Variants in GAL3ST2 observed in about 807,000 individuals in gnomAD.
GAL3ST2 encodes the protein beta-galactose-3-O-sulfotransferase 2.
GAL3ST2 carries 16 observed loss-of-function variants against 12.9 expected under a neutral mutation model. That is an observed-to-expected ratio of 1.24 (90% confidence interval 0.84 to 1.88). The LOEUF (loss-of-function observed/expected upper bound fraction) is 1.88. GAL3ST2 is among the 40% of genes most tolerant of loss of function. The probability of loss-of-function intolerance (pLI) is 0.00; values close to 1 mark genes in which losing one functional copy is unlikely to be tolerated. For synonymous variants in GAL3ST2, 302 were observed against 273.9 expected (o/e 1.10, Z -1.01); for missense variants, 639 against 571.8 (o/e 1.12, Z -1.20).
At position 241,793,656 on chromosome 2, in the gene GAL3ST2, A is replaced by C. The variant is rs73011964; in HGVS notation, c.30-5409A>C. On this transcript the variant is annotated intron_variant, in intron 1 of 3. Coordinates refer to ENST00000192314, the MANE Select transcript of GAL3ST2 (RefSeq NM_022134.3). This position sits in a 1 kb window ranked among gnomAD's most constrained non-coding sequence, Gnocchi z 4.7. ...GTTTGTGTGTACATATTGTGTATGCATATGTGTGTGTATGCACATATTGTG... is the reference window on the plus strand; with the variant it reads ...GTTTGTGTGTACATATTGTGTATGCCTATGTGTGTGTATGCACATATTGTG... Among the ~76,000 whole-genome samples, 2 of 148,470 alleles carry C rather than the reference A, an allele frequency of 1.3e-5. No individual in the cohort carries two copies. Among genetic ancestry groups the C allele is most frequent in the African/African-American group, 5.1e-5 (2 of 39,322 alleles).
At chr2:241,778,749 G>T (rs1301597211) in intron 1 of GAL3ST2, among the ~76,000 whole-genome samples, 1 of 152,154 alleles carries the variant, frequency 6.6e-6, no homozygotes, top group African/African-American at 2.4e-5. Flanking sequence ...ATTGTAGGGA[G>T]ACATGAGACA....
Position 241,803,738 on chromosome 2 carries a change from A to AGC in GAL3ST2, c.776_777dup (p.Ser260AlafsTer112). 2 of 1,529,080 alleles carry AGC rather than the reference A, an allele frequency of 1.3e-6. No individual in the cohort carries two copies. The highest frequency in any genetic ancestry group is 8.8e-7 in the Non-Finnish European group (1 of 1,140,558). 94.7% of individuals were successfully genotyped at this position (1,529,080 alleles called of 1,614,324 possible). On this transcript the variant is annotated frameshift_variant, in exon 4 of 4. Coordinates refer to ENST00000192314, the MANE Select transcript of GAL3ST2 (RefSeq NM_022134.3). LOFTEE classifies it low-confidence loss of function (END_TRUNC). ...GGTGGCCTTCAGGCTCAACTCCCGC[A>AGC]GCGCGCGCTCCGTGGCCCGCCTGTC...
At chr2:241,782,660 T>C (rs1699579228) in intron 1 of GAL3ST2, among the ~76,000 whole-genome samples, 1 of 152,184 alleles carries the variant, frequency 6.6e-6, no homozygotes, top group Non-Finnish European at 1.5e-5. Context: ...TCTGACTCTG[T>C]GTTTCAATAA....
chr2:241,798,681 G>C (rs1017198584), intron 1 of GAL3ST2, among the ~76,000 whole-genome samples: 3 of 152,134 alleles, frequency 2.0e-5, no homozygotes, highest in Admixed American at 6.5e-5. Context: ...CAGATCCCCT[G>C]GGGGCCTGGG....
At chr2:241,783,029 C>T (rs1042418661) in intron 1 of GAL3ST2, among the ~76,000 whole-genome samples, 2 of 151,950 alleles carry the variant, frequency 1.3e-5, no homozygotes, top group Non-Finnish European at 2.9e-5. Context: ...ATCCTAGCTA[C>T]TTCGAGGCTG....
chr2:241,778,670 C>T (rs948161551), intron 1 of GAL3ST2, among the ~76,000 whole-genome samples: 5 of 152,098 alleles, frequency 3.3e-5, no homozygotes, highest in Non-Finnish European at 7.4e-5. Context: ...GACGTGCACC[C>T]ATGACCCAGC....
chr2:241,797,585 C>A (rs1007067686), intron 1 of GAL3ST2, among the ~76,000 whole-genome samples: 1 of 147,866 alleles, frequency 6.8e-6, no homozygotes, highest in Non-Finnish European at 1.5e-5. Flanking sequence ...TGGGGCCGGG[C>A]AGAGCCAGCC....
In GAL3ST2 at chr2:241,795,561, A is replaced by G. The variant is rs1437182343; in HGVS notation, c.30-3504A>G. Among the ~76,000 whole-genome samples the G allele has an allele frequency of 6.6e-6, 1 of 152,210 alleles. No homozygotes were observed. The highest frequency in any genetic ancestry group is 1.5e-5 in the Non-Finnish European group (1 of 68,042). ...GGTGGCTGAGAAACCCTGCTGGTGA[A>G]GTCCTGCGTGGGCCTTATCAGTGAG... On this transcript the variant is annotated intron_variant, in intron 1 of 3. Transcript: ENST00000192314. The surrounding 1 kb of genome is among the most constrained non-coding windows in gnomAD (Gnocchi z 4.5).
At chr2:241,781,872 C>T (rs1303521416) in intron 1 of GAL3ST2, among the ~76,000 whole-genome samples, 16,721 of 119,884 alleles carry the variant, frequency 0.14, no homozygotes, top group African/African-American at 0.27. Flanking sequence ...AGGTTTAAAA[C>T]ACTTTATATC....
intron 1 of GAL3ST2, among the ~76,000 whole-genome samples, chr2:241,788,190 A>G (rs1445348319): frequency 6.6e-6 from 1 of 152,116 alleles, no homozygotes; most frequent in Non-Finnish European, 1.5e-5. Flanking sequence ...GTGGAGTTTC[A>G]AGAGTCATGG....
In GAL3ST2 at chr2:241,795,632, G is replaced by A. The variant is rs974548925; in HGVS notation, c.30-3433G>A. Among the ~76,000 whole-genome samples, 1 of 152,188 alleles carries A rather than the reference G, an allele frequency of 6.6e-6. No individual in the cohort carries two copies. Among genetic ancestry groups the A allele is most frequent in the Admixed American group, 6.5e-5 (1 of 15,286 alleles). Reference sequence around the variant, plus strand: ...GCCGTAAAACTGCCCTTCCCACCTCGTGCAGCCACTCTCCCGGGGAGGGTC... The same window carrying A: ...GCCGTAAAACTGCCCTTCCCACCTCATGCAGCCACTCTCCCGGGGAGGGTC... On this transcript the variant is annotated intron_variant, in intron 1 of 3. Coordinates refer to ENST00000192314, the MANE Select transcript of GAL3ST2 (RefSeq NM_022134.3). The surrounding 1 kb of genome is among the most constrained non-coding windows in gnomAD (Gnocchi z 4.5).
intron 1 of GAL3ST2, among the ~76,000 whole-genome samples, chr2:241,789,636 C>G (rs1219341087): frequency 6.6e-6 from 1 of 152,210 alleles, no homozygotes; most frequent in Non-Finnish European, 1.5e-5. Context: ...AATCCCAGCA[C>G]TTTGGGAAGC....
At position 241,804,068 on chromosome 2, in the gene GAL3ST2, C is replaced by CAG. The variant is rs1699899814; in HGVS notation, c.1102_1103dup (p.Leu369GlyfsTer3). ...GGACAACCAGACGCTGGGCGTGTGC[C>CAG]AGAGGCTTGTGATGCCTGAGCTCCA... On this transcript the variant is annotated frameshift_variant, in exon 4 of 4. Transcript: ENST00000192314. LOFTEE classifies it low-confidence loss of function (END_TRUNC). 4 of 1,550,172 alleles carry CAG rather than the reference C, an allele frequency of 2.6e-6. No homozygotes were observed. The highest frequency in any genetic ancestry group is 2.6e-6 in the Non-Finnish European group (3 of 1,148,816).
rs758685842 is a variant in GAL3ST2 at position 241,777,157 on chromosome 2, G to A, written c.29+173G>A. ...CTGTCTTGGCTTCGTTTCGGAAGTA[G>A]GGGGCCCCTCCTGCCCAGGCCTGGT... On this transcript the variant is annotated intron_variant, in intron 1 of 3. Coordinates refer to ENST00000192314, the MANE Select transcript of GAL3ST2 (RefSeq NM_022134.3). Among the ~76,000 whole-genome samples the A allele has an allele frequency of 2.0e-5, 3 of 152,228 alleles. No individual in the cohort carries two copies. In the South Asian group the frequency reaches 6.2e-4, roughly 32 times the overall value.
At position 241,801,943 on chromosome 2, in the gene GAL3ST2, C is replaced by G. The variant is rs1253538992; in HGVS notation, c.282C>G (p.Tyr94Ter). 2 of 1,612,908 alleles carry G rather than the reference C, an allele frequency of 1.2e-6. No individual in the cohort carries two copies. The highest frequency in any genetic ancestry group is 2.7e-5 in the African/African-American group (2 of 74,930). Residue 94 changes from tyrosine to a stop codon, truncating the protein, a stop_gained, in exon 3 of 4, where the codon TAC becomes TAG. Transcript: ENST00000192314. LOFTEE classifies it high-confidence loss of function. This position sits in a 1 kb window ranked among gnomAD's most constrained non-coding sequence, Gnocchi z 4.4. ...LPAGSRVHLGYPWLFLARYVE... is the reference protein window; with the variant it reads ...LPAGSRVHLG Reference sequence around the variant, plus strand: ...CCGGCTCACGCGTCCACCTGGGCTACCCCTGGCTCTTCCTGGCGCGCTACG... The same window carrying G: ...CCGGCTCACGCGTCCACCTGGGCTAGCCCTGGCTCTTCCTGGCGCGCTACG...
At position 241,803,447 on chromosome 2, in the gene GAL3ST2, G is replaced by C; in HGVS notation, c.478G>C (p.Ala160Pro). 1 of 1,611,768 alleles carries C rather than the reference G, an allele frequency of 6.2e-7. No homozygotes were observed. Among genetic ancestry groups the C allele is most frequent in the East Asian group, 2.2e-5 (1 of 44,846 alleles). Residue 160 changes from alanine to proline, a missense_variant, in exon 4 of 4, where the codon GCC becomes CCC. Ala to Pro is a conservative substitution (Grantham distance 27, BLOSUM62 -1). Transcript: ENST00000192314. ...CATCTACTACAAAACCTACGCCCCC[G>C]CCTTCCGGGGCGCCCCGAGCCTGGA... Reference protein sequence around the residue: ...SFIYYKTYAPAFRGAPSLDAF... With the variant: ...SFIYYKTYAPPFRGAPSLDAF...
intron 1 of GAL3ST2, among the ~76,000 whole-genome samples, chr2:241,786,652 T>C (rs1699631971): frequency 6.6e-6 from 1 of 152,076 alleles, no homozygotes; most frequent in Admixed American, 6.5e-5. Flanking sequence ...AAACTTTAGA[T>C]CTTGACCAAA....
chr2:241,778,593 G>A (rs771107230), intron 1 of GAL3ST2, among the ~76,000 whole-genome samples: 8 of 152,170 alleles, frequency 5.3e-5, no homozygotes, highest in Admixed American at 1.3e-4. Context: ...TCACCATGCC[G>A]GTGTGAACCC....
Position 241,803,840 on chromosome 2 carries a change from T to C in GAL3ST2, c.871T>C (p.Trp291Arg). The C allele has an allele frequency of 4.1e-6, 6 of 1,470,160 alleles. No homozygotes were observed. The African/African-American group carries it at 4.5e-5, about 11-fold the overall frequency. The allele number at this position is 1,470,160 out of a possible 1,614,324, so 91.1% of individuals were successfully genotyped here. A position where few individuals can be genotyped will look rare whatever the true frequency, so the allele number is the denominator to read the frequency against. ...GTACGAGCATTTCAACCGCACCCTC[T>C]GGGCGCAGCTGCGCGCCGAGCTGGG... ...RLYEHFNRTL[W>R]AQLRAELGPR... The change falls in exon 4 of 4, where the codon TGG (tryptophan) becomes CGG (arginine). Residue 291 changes from tryptophan to arginine, a missense_variant. Transcript: ENST00000192314.
Sources: gnomAD v4.1 joint callset for allele counts (sites outside exome capture counted in the v4.1 genomes callset) on GRCh38, gnomAD v4.1.1 for gene constraint, Gnocchi (gnomAD v3.1) non-coding constraint, MANE v1.5 for transcripts, NCBI Gene and HGNC (gene_info 2026-07-23, HGNC 2026-07-21) for gene names.